Variants in UGT1A4 observed in about 807,000 individuals in gnomAD.
UGT1A4 encodes UDP glucuronosyltransferase family 1 member A4.
A neutral mutation model predicts 41.1 loss-of-function variants in UGT1A4; 32 were observed. That is an observed-to-expected ratio of 0.78 (90% CI 0.59 to 1.05). The LOEUF is 1.05. UGT1A4 is among the 50% of genes least tolerant of loss of function. UGT1A4 has a pLI of 0.00. For missense variants in UGT1A4, 748 were observed against 677.4 expected, an observed-to-expected ratio of 1.10 and a Z score of -1.16; for synonymous variants, 283 against 265.1, an observed-to-expected ratio of 1.07 and a Z score of -0.66.
chr2:233,724,617 C>G (rs553228713), intron 1 of UGT1A4, among the ~76,000 whole-genome samples: 1 of 135,362 alleles, frequency 7.4e-6, no homozygotes, highest in South Asian at 2.8e-4. Flanking sequence ...CGGGCAGAGA[C>G]GCTCCTCACT....
chr2:233,727,966 G>A (rs1025938754), intron 1 of UGT1A4, among the ~76,000 whole-genome samples: 37 of 152,228 alleles, frequency 2.4e-4, no homozygotes, highest in African/African-American at 8.2e-4. Context: ...TCATCCTGAG[G>A]TGACCAGGAC....
At chr2:233,735,248 G>T (rs1391437917) in intron 1 of UGT1A4, among the ~76,000 whole-genome samples, 3 of 152,102 alleles carry the variant, frequency 2.0e-5, no homozygotes, top group African/African-American at 7.2e-5. Flanking sequence ...TTGTTGAATT[G>T]CTCCCTTTAC....
At chr2:233,750,427 C>A (rs900891099) in intron 1 of UGT1A4, among the ~76,000 whole-genome samples, 6 of 151,902 alleles carry the variant, frequency 3.9e-5, no homozygotes, top group African/African-American at 1.5e-4. Flanking sequence ...AAGAAAAACC[C>A]ATTTTATGGG....
chr2:233,760,594 G>T, intron 1 of UGT1A4: 1 of 1,614,198 alleles, frequency 6.2e-7, no homozygotes, highest in Non-Finnish European at 8.5e-7. Context: ...TTTTGAGAAT[G>T]ATTCTTTCCT....
chr2:233,742,671 T>C (rs1692065704), intron 1 of UGT1A4: 1 of 152,224 alleles, frequency 6.6e-6, no homozygotes, highest in South Asian at 2.1e-4. Context: ...CCCCAAGGTT[T>C]GTCCTCAGCC....
intron 4 of UGT1A4, 90 bp downstream of exon 4, chr2:233,768,529 G>A (rs1019700183): frequency 2.7e-6 from 4 of 1,508,186 alleles, no homozygotes; most frequent in Non-Finnish European, 3.5e-6. Flanking sequence ...GCATTTAATA[G>A]CGTTGTTTCA....
Position 233,719,680 on chromosome 2 carries a change from T to C in UGT1A4, c.860T>C (p.Leu287Pro). 1.2e-6 allele frequency: 2 copies of C among 1,614,092 alleles called. No homozygotes were observed. The highest frequency in any genetic ancestry group is 1.7e-6 in the Non-Finnish European group (2 of 1,179,944). ...ATCAACTGTGCCAACGGGAAGCCACTATCTCAGGTCTGTATTGGTGCCTTC... is the reference window on the plus strand; with the variant it reads ...ATCAACTGTGCCAACGGGAAGCCACCATCTCAGGTCTGTATTGGTGCCTTC... ...GGINCANGKP[L>P]SQEFEAYINA... Residue 287 changes from leucine to proline, a missense_variant, in exon 1 of 5, where the codon CTA (leucine) becomes CCA (proline). Coordinates refer to ENST00000373409, the MANE Select transcript of UGT1A4 (RefSeq NM_007120.3).
At chr2:233,755,197 T>C in intron 1 of UGT1A4, 1 of 1,117,644 alleles carries the variant, frequency 8.9e-7, no homozygotes, top group Non-Finnish European at 1.3e-6. Context: ...AGCGCCAGCT[T>C]GCGGTACGCC....
At chr2:233,740,411 T>A (rs1191187066) in intron 1 of UGT1A4, among the ~76,000 whole-genome samples, 1 of 151,958 alleles carries the variant, frequency 6.6e-6, no homozygotes. Context: ...TGGGGAAGTC[T>A]CTCTACCTGT....
Position 233,719,056 on chromosome 2 carries a change from C to A in UGT1A4, c.236C>A (p.Ala79Asp), listed in dbSNP as rs772884705. ...IKEEKFFTLT[A>D]YAVPWTQKEF... ...GAAGAGAAATTTTTCACCCTGACAGCCTATGCTGTTCCATGGACCCAGAAG... is the reference window on the plus strand; with the variant it reads ...GAAGAGAAATTTTTCACCCTGACAGACTATGCTGTTCCATGGACCCAGAAG... Residue 79 changes from alanine (A) to aspartate (D), a missense_variant, in exon 1 of 5, where the codon GCC becomes GAC. Transcript: ENST00000373409. 197 of 1,614,166 alleles carry A rather than the reference C, an allele frequency of 1.2e-4. 1 individual carries two copies. The highest frequency in any genetic ancestry group is 1.6e-4 in the Non-Finnish European group (189 of 1,180,058).
intron 1 of UGT1A4, chr2:233,761,159 T>C: frequency 6.2e-7 from 1 of 1,614,228 alleles, no homozygotes; most frequent in Non-Finnish European, 8.5e-7. Flanking sequence ...CAGGTGTGTA[T>C]TGGAGTGGGA....
At chr2:233,729,726 C>A in intron 1 of UGT1A4, 1 of 1,613,932 alleles carries the variant, frequency 6.2e-7, no homozygotes, top group Non-Finnish European at 8.5e-7. Context: ...TACTAACAAC[C>A]AATTCAGACC....
At chr2:233,762,315 G>T (rs565893517) in intron 1 of UGT1A4, among the ~76,000 whole-genome samples, 1 of 152,334 alleles carries the variant, frequency 6.6e-6, no homozygotes, top group South Asian at 2.1e-4. Context: ...TTAATGGGTC[G>T]AGAGTAATCC....
chr2:233,739,854 G>A (rs1377915953), intron 1 of UGT1A4, among the ~76,000 whole-genome samples: 3 of 151,892 alleles, frequency 2.0e-5, no homozygotes, highest in Non-Finnish European at 4.4e-5. Context: ...ATGGGCCAGA[G>A]GGCAGAATGA....
At chr2:233,738,830 G>A (rs1258075165) in intron 1 of UGT1A4, 1 of 152,196 alleles carries the variant, frequency 6.6e-6, no homozygotes, top group African/African-American at 2.4e-5. Context: ...AAATAAGGAG[G>A]AACCAAATGT....
At chr2:233,754,435 G>T (rs1695484691) in intron 1 of UGT1A4, 21 of 350,618 alleles carry the variant, frequency 6.0e-5, no homozygotes, top group South Asian at 4.7e-4. Context: ...GGCATAAAGT[G>T]TTTATAAATT....
intron 1 of UGT1A4, among the ~76,000 whole-genome samples, chr2:233,750,410 G>A (rs1353067232): frequency 6.6e-6 from 1 of 151,900 alleles, no homozygotes; most frequent in African/African-American, 2.4e-5. Flanking sequence ...CTGACCATGT[G>A]GTAGAAAAGA....
intron 1 of UGT1A4, among the ~76,000 whole-genome samples, chr2:233,751,262 C>A (rs1474286955): frequency 1.3e-5 from 2 of 151,906 alleles, no homozygotes; most frequent in Non-Finnish European, 2.9e-5. Flanking sequence ...GCCTGTAGCC[C>A]CCTTTTTTTG....
chr2:233,720,732 G>A (rs1210720927), intron 1 of UGT1A4, among the ~76,000 whole-genome samples: 3 of 146,212 alleles, frequency 2.1e-5, no homozygotes, highest in African/African-American at 7.6e-5. Context: ...TTGAGACTGA[G>A]CCTCGTTCTG....
Sources: gnomAD v4.1 joint callset for allele counts (sites outside exome capture counted in the v4.1 genomes callset) on GRCh38, gnomAD v4.1.1 for gene constraint, MANE v1.5 for transcripts, NCBI Gene and HGNC (gene_info 2026-07-23, HGNC 2026-07-21) for gene names.